PVT1: variants seen among roughly 807,000 people sequenced by gnomAD.
The protein encoded by PVT1 is Pvt1 oncogene, also known as CXCR4/PVT1 fusion.
intron 3 of PVT1, among the ~76,000 whole-genome samples, chr8:127,985,875 C>G (rs1018913772): frequency 6.6e-6 from 1 of 152,152 alleles, no homozygotes; most frequent in Non-Finnish European, 1.5e-5. Flanking sequence ...GATTTCGAAG[C>G]TTGTTCACTG....
intron 3 of PVT1, chr8:127,984,267 A>T (rs1816917957): frequency 6.6e-6 from 1 of 152,182 alleles, no homozygotes; most frequent in South Asian, 2.1e-4. Context: ...GAAAGCTCAT[A>T]CTGCACCACT....
At chr8:127,821,228 G>C (rs1252329996) in intron 2 of PVT1, among the ~76,000 whole-genome samples, 1 of 152,170 alleles carries the variant, frequency 6.6e-6, no homozygotes, top group Admixed American at 6.5e-5. Context: ...GCTTCTTCAA[G>C]TAGTAGCTAG....
intron 4 of PVT1, among the ~76,000 whole-genome samples, chr8:128,065,847 C>G (rs769858541): frequency 6.6e-6 from 1 of 152,178 alleles, no homozygotes; most frequent in Non-Finnish European, 1.5e-5. Context: ...GAGTCCCTGC[C>G]CTGTGGAACC....
At chr8:127,852,177 T>C (rs1020366207) in intron 2 of PVT1, 3 of 152,254 alleles carry the variant, frequency 2.0e-5, no homozygotes, top group Admixed American at 6.5e-5. Context: ...TTACTTTGTG[T>C]GGGATTCCAA....
At chr8:127,821,858 A>T (rs960813212) in intron 2 of PVT1, among the ~76,000 whole-genome samples, 1 of 152,110 alleles carries the variant, frequency 6.6e-6, no homozygotes, top group African/African-American at 2.4e-5. Flanking sequence ...AGTTTGCATT[A>T]TATTTCCACT....
At chr8:127,917,144 A>G (rs1815995165) in intron 3 of PVT1, among the ~76,000 whole-genome samples, 1 of 152,168 alleles carries the variant, frequency 6.6e-6, no homozygotes, top group Non-Finnish European at 1.5e-5. Context: ...GATAGCCCCT[A>G]GTTACAACTC....
chr8:127,906,591 T>C (rs891148925), intron 3 of PVT1, among the ~76,000 whole-genome samples: 1 of 152,120 alleles, frequency 6.6e-6, no homozygotes, highest in Non-Finnish European at 1.5e-5. Flanking sequence ...CCCCTGCTCC[T>C]AGGGGTTGAG....
chr8:128,028,789 A>G (rs1485854367), intron 4 of PVT1, among the ~76,000 whole-genome samples: 1 of 152,172 alleles, frequency 6.6e-6, no homozygotes, highest in Non-Finnish European at 1.5e-5. Context: ...ATCGGAGCCT[A>G]AAAGACTCGT....
At chr8:127,825,762 A>T (rs573933041) in intron 2 of PVT1, among the ~76,000 whole-genome samples, 1 of 152,216 alleles carries the variant, frequency 6.6e-6, no homozygotes, top group Non-Finnish European at 1.5e-5. Context: ...TACCTTCTTC[A>T]TATGGCGTGC....
chr8:127,937,537 C>G (rs1446951314), intron 3 of PVT1, among the ~76,000 whole-genome samples: 1 of 136,180 alleles, frequency 7.3e-6, no homozygotes. Flanking sequence ...AATGCCCACC[C>G]TAGGGAAAAA....
intron 5 of PVT1, among the ~76,000 whole-genome samples, chr8:128,073,794 T>A (rs1814030649): frequency 7.4e-6 from 1 of 135,674 alleles, no homozygotes. Context: ...TAACAACAAT[T>A]TTTTTTTCTT....
intron 4 of PVT1, among the ~76,000 whole-genome samples, chr8:128,067,159 G>T (rs572114912): frequency 6.6e-6 from 1 of 152,222 alleles, no homozygotes; most frequent in Admixed American, 6.5e-5. Flanking sequence ...TTGCTGCATG[G>T]TTATCTAACA....
chr8:128,088,048 C>T (rs2720674), intron 5 of PVT1, among the ~76,000 whole-genome samples: 30,442 of 152,026 alleles, frequency 0.2, 3,804 homozygotes, highest in African/African-American at 0.34. Flanking sequence ...TGTAAGCCAC[C>T]GTGCCCAGCC....
intron 4 of PVT1, among the ~76,000 whole-genome samples, chr8:127,992,074 CAA>C (rs72120482): frequency 1.3e-4 from 18 of 141,894 alleles, no homozygotes; most frequent in Non-Finnish European, 2.0e-4. Context: ...TTTCTTAAAA[CAA>C]AAAAAAAAAA....
At chr8:128,063,206 T>C (rs1266134122) in intron 4 of PVT1, among the ~76,000 whole-genome samples, 1 of 152,156 alleles carries the variant, frequency 6.6e-6, no homozygotes, top group Non-Finnish European at 1.5e-5. Context: ...TCTGTAATCG[T>C]TGCAGATGCT....
rs187494802 is a variant in PVT1, at chr8:127,798,030, C to T, written n.372+1959C>T. Among the ~76,000 whole-genome samples, 29 of 152,212 alleles carry T rather than the reference C, an allele frequency of 1.9e-4. No homozygotes were observed. In the East Asian group the frequency reaches 3.5e-3, roughly 18 times the overall value. ...TTAAGAACAAGCAAAGGGCCGGGCG[C>T]GGTGGCTCACACCTGTAATCCCAGC... is the stretch of plus-strand genomic sequence containing the variant. On this transcript the variant is annotated intron_variant and non_coding_transcript_variant, in intron 2 of 10. Transcript: ENST00000651587.
intron 4 of PVT1, among the ~76,000 whole-genome samples, chr8:128,006,853 T>G (rs1817253555): frequency 6.6e-6 from 1 of 152,188 alleles, no homozygotes; most frequent in Admixed American, 6.5e-5. Context: ...TCAAGTTGGG[T>G]TCTATGTATT....
chr8:127,924,430 G>A (rs553845657), intron 3 of PVT1, among the ~76,000 whole-genome samples: 9 of 151,884 alleles, frequency 5.9e-5, no homozygotes, highest in East Asian at 1.9e-4. Context: ...TCCGCCTCCC[G>A]GGTTCAGGCT....
intron 5 of PVT1, among the ~76,000 whole-genome samples, chr8:128,081,144 C>T (rs190734181): frequency 3.3e-5 from 5 of 152,158 alleles, no homozygotes; most frequent in Admixed American, 6.5e-5. Flanking sequence ...TGAGTAGTGT[C>T]AGTCCTCCAG....
Sources: allele counts gnomAD v4.1 joint callset (sites outside exome capture counted in the v4.1 genomes callset), GRCh38; gene constraint gnomAD v4.1.1; transcripts MANE v1.5; gene names NCBI Gene and HGNC (gene_info 2026-07-23, HGNC 2026-07-21).